Variants in RBFOX1 observed in about 807,000 individuals in gnomAD.
RBFOX1 encodes RNA binding fox-1 homolog 1.
RBFOX1 carries 8 observed loss-of-function variants against 57.7 expected under a neutral mutation model. That is an observed-to-expected ratio of 0.14 (90% CI 0.08 to 0.25). The LOEUF is 0.25. Among genes scored for constraint, RBFOX1 ranks in the 10% least tolerant of loss-of-function variants. The probability of loss-of-function intolerance (pLI) is 1.00; values close to 1 mark genes in which losing one functional copy is unlikely to be tolerated. For synonymous variants in RBFOX1, 326 were observed against 222.4 expected (o/e 1.47, Z -4.15); for missense variants, 611 against 548.5 (o/e 1.11, Z -1.14).
At chr16:6,618,320 C>A (rs541939699) in intron 2 of RBFOX1, among the ~76,000 whole-genome samples, 3 of 152,310 alleles carry the variant, frequency 2.0e-5, no homozygotes, top group African/African-American at 4.8e-5. Flanking sequence ...TGAACACTTA[C>A]TTAAAACGCA....
chr16:7,444,592 G>C (rs1348662938), intron 4 of RBFOX1, among the ~76,000 whole-genome samples: 3 of 152,020 alleles, frequency 2.0e-5, no homozygotes, highest in Admixed American at 2.0e-4. Flanking sequence ...GACTGCAGTG[G>C]CATGATCCTA....
rs78578200 is a variant in RBFOX1, at chr16:6,675,865, C to T, written c.-16+21215C>T. On this transcript the variant is annotated intron_variant, in intron 3 of 15. Transcript: ENST00000550418. ...AATGGGAATAATGGGAGCTACAGTTCACGATGAGATTTGGGTGAGGACCCA... is the reference window on the plus strand; with the variant it reads ...AATGGGAATAATGGGAGCTACAGTTTACGATGAGATTTGGGTGAGGACCCA... 1.6e-3 allele frequency among the ~76,000 whole-genome samples: 246 copies of T among 152,182 alleles called. No homozygotes were observed. The East Asian group carries it at 0.028, about 17-fold the overall frequency.
Position 6,077,352 on chromosome 16 carries a change from G to A in RBFOX1, c.-127+57360G>A, listed in dbSNP as rs188973117. Among the ~76,000 whole-genome samples the A allele has an allele frequency of 3.0e-4, 45 of 152,226 alleles. No individual in the cohort carries two copies. In the East Asian group the frequency reaches 6.8e-3, roughly 23 times the overall value. ...CAAGTCATATCTTTAAAAGGTCACC[G>A]TGGTTTGTACTAACTATATGACTAT... On this transcript the variant is annotated intron_variant, in intron 1 of 15. Transcript: ENST00000550418.
chr16:7,225,905 A>AATCAATAAATAAATATATATATATAT (rs1555600462), intron 4 of RBFOX1, among the ~76,000 whole-genome samples: 2 of 93,752 alleles, frequency 2.1e-5, no homozygotes, highest in African/African-American at 4.8e-5. Context: ...AAGTATAATA[A>AATCAATAAATAAATATATATATATAT]ATATATATAT....
intron 1 of RBFOX1, among the ~76,000 whole-genome samples, chr16:5,257,066 C>T (rs1354523263): frequency 6.6e-6 from 1 of 152,148 alleles, no homozygotes; most frequent in South Asian, 2.1e-4. Flanking sequence ...GACCAGGACT[C>T]CAGACTCTGG....
intron 2 of RBFOX1, among the ~76,000 whole-genome samples, chr16:6,614,721 C>G (rs118064600): frequency 1.1e-4 from 16 of 152,254 alleles, no homozygotes; most frequent in Non-Finnish European, 1.9e-4. Context: ...TCACTCCAGT[C>G]TCTGGCTTTA....
chr16:5,875,280 C>A (rs1182384591), intron 4 of RBFOX1, among the ~76,000 whole-genome samples: 1 of 152,104 alleles, frequency 6.6e-6, no homozygotes, highest in Admixed American at 6.5e-5. Context: ...TGTAGGTTGG[C>A]CAAACTTACT....
At chr16:7,532,570 G>T (rs978140723) in intron 5 of RBFOX1, among the ~76,000 whole-genome samples, 2 of 152,304 alleles carry the variant, frequency 1.3e-5, no homozygotes, top group Admixed American at 1.3e-4. Flanking sequence ...TCTAGCTGTG[G>T]ATGGGGCCCA....
chr16:6,974,740 C>A (rs1461194179), intron 3 of RBFOX1, among the ~76,000 whole-genome samples: 5 of 152,100 alleles, frequency 3.3e-5, no homozygotes, highest in Admixed American at 2.0e-4. Context: ...TATCTCTTAA[C>A]TGAAACTCAC....
At chr16:7,532,885 C>G (rs1238713664) in intron 5 of RBFOX1, among the ~76,000 whole-genome samples, 1 of 152,228 alleles carries the variant, frequency 6.6e-6, no homozygotes, top group South Asian at 2.1e-4. Flanking sequence ...AACCCCCGAT[C>G]TAGGCCAAAG....
chr16:6,939,028 A>T (rs986403657), intron 3 of RBFOX1, among the ~76,000 whole-genome samples: 6 of 152,288 alleles, frequency 3.9e-5, no homozygotes, highest in Admixed American at 1.3e-4. Flanking sequence ...ATCTGCCTTG[A>T]CATGTGACGA....
At chr16:7,210,114 C>T (rs1311589646) in intron 4 of RBFOX1, among the ~76,000 whole-genome samples, 2 of 152,174 alleles carry the variant, frequency 1.3e-5, no homozygotes, top group Non-Finnish European at 2.9e-5. Context: ...GCTTGTCAAC[C>T]TGCCCTGCAA....
At chr16:5,334,374 A>G (rs926860916) in intron 1 of RBFOX1, among the ~76,000 whole-genome samples, 2 of 151,954 alleles carry the variant, frequency 1.3e-5, no homozygotes, top group African/African-American at 4.8e-5. Context: ...ATTAAGGGGA[A>G]CCTTAAAATG....
chr16:5,535,900 A>G (rs2044674731), intron 2 of RBFOX1, among the ~76,000 whole-genome samples: 1 of 152,162 alleles, frequency 6.6e-6, no homozygotes, highest in African/African-American at 2.4e-5. Context: ...GTACTGTAAG[A>G]GTCACACACT....
intron 4 of RBFOX1, among the ~76,000 whole-genome samples, chr16:7,300,243 C>G (rs901378076): frequency 1.3e-5 from 2 of 151,548 alleles, no homozygotes; most frequent in East Asian, 1.9e-4. Context: ...AGAATGTAAA[C>G]TGTCTAATGT....
At chr16:6,657,526 G>C (rs1256913930) in intron 3 of RBFOX1, among the ~76,000 whole-genome samples, 1 of 152,092 alleles carries the variant, frequency 6.6e-6, no homozygotes, top group Non-Finnish European at 1.5e-5. Flanking sequence ...ATTGCCGTCA[G>C]GTTCTGGGAG....
At chr16:6,540,060 G>A (rs1026454749) in intron 2 of RBFOX1, among the ~76,000 whole-genome samples, 51 of 152,168 alleles carry the variant, frequency 3.4e-4, no homozygotes, top group African/African-American at 1.1e-3. Context: ...AGGGCCTCAC[G>A]TGACTTGACT....
intron 4 of RBFOX1, among the ~76,000 whole-genome samples, chr16:7,208,721 C>T (rs1019983751): frequency 2.0e-5 from 3 of 152,182 alleles, no homozygotes; most frequent in South Asian, 2.1e-4. Context: ...CCTGTAGTCC[C>T]AACTAATAGA....
At chr16:6,814,709 C>G (rs137937360) in intron 3 of RBFOX1, among the ~76,000 whole-genome samples, 78 of 152,138 alleles carry the variant, frequency 5.1e-4, no homozygotes, top group African/African-American at 1.8e-3. Flanking sequence ...TCTTGGAAAC[C>G]TGAGGAAGTG....
Sources: allele counts gnomAD v4.1 joint callset (sites outside exome capture counted in the v4.1 genomes callset), GRCh38; gene constraint gnomAD v4.1.1; transcripts MANE v1.5; gene names NCBI Gene and HGNC (gene_info 2026-07-23, HGNC 2026-07-21).